GJB6: variants seen among roughly 807,000 people sequenced by gnomAD.
GJB6 encodes the protein gap junction protein beta 6, also known as gap junction beta-6 protein.
In GJB6, 5 loss-of-function variants were observed where a neutral mutation model predicts 5.4. The observed-to-expected ratio is 0.92, with a 90% CI of 0.48 to 1.93. The LOEUF (loss-of-function observed/expected upper bound fraction) is 1.93. Among genes scored for constraint, GJB6 ranks in the 30% most tolerant of loss-of-function variants. The probability of loss-of-function intolerance (pLI) is 0.01; values close to 1 mark genes in which losing one functional copy is unlikely to be tolerated. For synonymous variants in GJB6, 136 were observed against 129.6 expected (o/e 1.05, Z -0.34); for missense variants, 298 against 326.9 (o/e 0.91, Z 0.68).
rs2137362214 is a variant in GJB6, at chr13:20,232,234, G to T, written c.-460C>A. On this transcript the variant is annotated 5_prime_UTR_variant, in exon 1 of 5. Transcript: ENST00000647029. ...CGGCCCTGGCGCGGGCTCTGCGCGG[G>T]GCGGCGCCCTTCGCTCCGGCTGGGC... 1 of 152,130 alleles carries T rather than the reference G, an allele frequency of 6.6e-6. No individual in the cohort carries two copies. Among genetic ancestry groups the T allele is most frequent in the East Asian group, 1.9e-4 (1 of 5,176 alleles). 9.4% of individuals were successfully genotyped at this position (152,130 alleles called of 1,614,324 possible). A position where few individuals can be genotyped will look rare whatever the true frequency, so the allele number is the denominator to read the frequency against.
rs868439836 is a variant in GJB6, at chr13:20,222,910, A to G, written c.571T>C (p.Phe191Leu). The G allele has an allele frequency of 6.2e-7, 1 of 1,614,152 alleles. No homozygotes were observed. Among genetic ancestry groups the G allele is most frequent in the Non-Finnish European group, 8.5e-7 (1 of 1,180,010 alleles). ...FISRPTEKTV[F>L]TIFMISASVI... Reference sequence around the variant, plus strand: ...GACGCAGAAATCATAAAAATGGTAAACACGGTCTTCTCTGTTGGCCTAGAA... The same window carrying G: ...GACGCAGAAATCATAAAAATGGTAAGCACGGTCTTCTCTGTTGGCCTAGAA... The change falls in exon 5 of 5, where the codon TTT becomes CTT. Residue 191 changes from phenylalanine to leucine, a missense_variant. By Grantham distance (22) the Phe-to-Leu change is conservative. Transcript: ENST00000647029.
At chr13:20,229,201 T>G (rs1447597444) in intron 4 of GJB6, among the ~76,000 whole-genome samples, 2 of 135,926 alleles carry the variant, frequency 1.5e-5, no homozygotes, top group African/African-American at 5.5e-5. Context: ...CAGGGTGGAG[T>G]GCAATGGTGC....
intron 4 of GJB6, among the ~76,000 whole-genome samples, chr13:20,224,528 G>A (rs1869445294): frequency 6.6e-6 from 1 of 152,164 alleles, no homozygotes; most frequent in Non-Finnish European, 1.5e-5. Context: ...AGGGGCAGCC[G>A]AGGAGGGGAT....
At position 20,223,077 on chromosome 13, in the gene GJB6, G is replaced by A. The variant is rs1566538446; in HGVS notation, c.404C>T (p.Thr135Met). The stretch of plus-strand genomic sequence containing the variant: ...TCGGAAAAAGATGCTGCTGGTGTAC[G>A]TCCACCACAGCGACCCCTCTATCCG... Reference protein sequence around the residue: ...KVRIEGSLWWTYTSSIFFRII... With the variant: ...KVRIEGSLWWMYTSSIFFRII... The change falls in exon 5 of 5, where the codon ACG becomes ATG. Residue 135 changes from threonine to methionine, a missense_variant. Coordinates refer to ENST00000647029, the MANE Select transcript of GJB6 (RefSeq NM_001110219.3). The A allele has an allele frequency of 1.9e-6, 3 of 1,613,584 alleles. No homozygotes were observed. The highest frequency in any genetic ancestry group is 1.7e-6 in the Non-Finnish European group (2 of 1,179,624).
chr13:20,225,119 T>C (rs966278644), intron 4 of GJB6, among the ~76,000 whole-genome samples: 6 of 152,232 alleles, frequency 3.9e-5, no homozygotes, highest in Non-Finnish European at 8.8e-5. Context: ...CCTAGTTCCG[T>C]TGGCTTTCTG....
rs1593370162 is a variant in GJB6, at chr13:20,229,681, T to A, written c.-117A>T. 2 of 151,520 alleles carry A rather than the reference T, an allele frequency of 1.3e-5. No individual in the cohort carries two copies. The highest frequency in any genetic ancestry group is 3.9e-4 in the East Asian group (2 of 5,146). 9.4% of individuals were successfully genotyped at this position (151,520 alleles called of 1,614,324 possible). ...ACCTCCTTCTCCTACCCCACTGGAG[T>A]GCCTAGAAGCCAATGGTGCACAGTG... On this transcript the variant is annotated 5_prime_UTR_variant, in exon 4 of 5. Coordinates refer to ENST00000647029, the MANE Select transcript of GJB6 (RefSeq NM_001110219.3).
chr13:20,231,910 C>G (rs1428088806), intron 1 of GJB6, among the ~76,000 whole-genome samples: 1 of 152,132 alleles, frequency 6.6e-6, no homozygotes, highest in Non-Finnish European at 1.5e-5. Flanking sequence ...GGGTCCAGCG[C>G]GGGCGGCGCC....
intron 4 of GJB6, 115 bp from the exon 5 acceptor site, chr13:20,223,610 A>C: frequency 1.2e-6 from 1 of 814,606 alleles, no homozygotes; most frequent in Non-Finnish European, 2.1e-6. Flanking sequence ...GATACTTTAC[A>C]ACTTCAACTC....
intron 4 of GJB6, among the ~76,000 whole-genome samples, chr13:20,225,001 T>C (rs1869478661): frequency 6.6e-6 from 1 of 152,116 alleles, no homozygotes; most frequent in Admixed American, 6.5e-5. Context: ...AGGCAGCCTC[T>C]CCCCACCCAG....
At chr13:20,223,720 C>T (rs1869387440) in intron 4 of GJB6, among the ~76,000 whole-genome samples, 1 of 152,096 alleles carries the variant, frequency 6.6e-6, no homozygotes, top group Admixed American at 6.5e-5. Context: ...AAACCCAGCA[C>T]TTTGGGAGGC....
chr13:20,224,190 A>G (rs541824303), intron 4 of GJB6, among the ~76,000 whole-genome samples: 1 of 152,172 alleles, frequency 6.6e-6, no homozygotes, highest in South Asian at 2.1e-4. Flanking sequence ...TCCACAGTAG[A>G]TTTTATTCAT....
At position 20,228,701 on chromosome 13, in the gene GJB6, G is replaced by T. The variant is rs541309987; in HGVS notation, c.-16+879C>A. Among the ~76,000 whole-genome samples, 262 of 146,294 alleles carry T rather than the reference G, an allele frequency of 1.8e-3. 2 individuals are homozygous for T. The highest frequency in any genetic ancestry group is 3.0e-4 in the Non-Finnish European group (20 of 65,962). On this transcript the variant is annotated intron_variant, in intron 4 of 4. Coordinates refer to ENST00000647029, the MANE Select transcript of GJB6 (RefSeq NM_001110219.3). ...GGGTTTCACCGTGTTAGCCAGGATG[G>T]TCTCGATCTCCTGACCTCATGATCC...
chr13:20,227,395 T>C (rs1044691938), intron 4 of GJB6, among the ~76,000 whole-genome samples: 4 of 152,132 alleles, frequency 2.6e-5, no homozygotes, highest in African/African-American at 9.7e-5. Flanking sequence ...TACAAGTGTG[T>C]CTAACTCCCC....
In GJB6 at chr13:20,222,567, A is replaced by C. The variant is rs1869244814; in HGVS notation, c.*128T>G. The stretch of plus-strand genomic sequence containing the variant: ...CAAGTATCCTACAAAAAGTTAACTC[A>C]AGTGTCTATTTATTATGAAAGTCAT... On this transcript the variant is annotated 3_prime_UTR_variant, in exon 5 of 5. Coordinates refer to ENST00000647029, the MANE Select transcript of GJB6 (RefSeq NM_001110219.3). 1.3e-5 allele frequency: 10 copies of C among 770,422 alleles called. No homozygotes were observed. In the East Asian group the frequency reaches 2.5e-4, roughly 19 times the overall value. 47.7% of individuals were successfully genotyped at this position (770,422 alleles called of 1,614,324 possible).
intron 3 of GJB6, among the ~76,000 whole-genome samples, chr13:20,230,324 T>G (rs1869996679): frequency 1.3e-5 from 2 of 152,202 alleles, no homozygotes; most frequent in Admixed American, 1.3e-4. Flanking sequence ...AATGGAAAAC[T>G]CATGCAATTA....
Position 20,222,614 on chromosome 13 carries a change from G to T in GJB6, c.*81C>A. Reference sequence around the variant, plus strand: ...TCATTTACAAACTCTTCAGGCTACAGAAGGAACTTTCAGGTTGGTATTGCC... The same window carrying T: ...TCATTTACAAACTCTTCAGGCTACATAAGGAACTTTCAGGTTGGTATTGCC... On this transcript the variant is annotated 3_prime_UTR_variant, in exon 5 of 5. Transcript: ENST00000647029. The T allele has an allele frequency of 8.6e-7, 1 of 1,167,512 alleles. No individual in the cohort carries two copies. The highest frequency in any genetic ancestry group is 1.3e-6 in the Non-Finnish European group (1 of 774,652). The allele number at this position is 1,167,512 out of a possible 1,614,324, so 72.3% of individuals were successfully genotyped here.
intron 4 of GJB6, among the ~76,000 whole-genome samples, chr13:20,226,289 T>TAA (rs10707264): frequency 1.4e-5 from 2 of 142,456 alleles, no homozygotes; most frequent in African/African-American, 5.2e-5. Flanking sequence ...AGGTTTTTCT[T>TAA]AAAAAAAAAA....
chr13:20,228,265 C>A (rs78671031), intron 4 of GJB6, among the ~76,000 whole-genome samples: 2 of 152,340 alleles, frequency 1.3e-5, no homozygotes, highest in East Asian at 3.9e-4. Flanking sequence ...AATATTAACT[C>A]TTTCTTCGGA....
At position 20,223,514 on chromosome 13, in the gene GJB6, G is replaced by T. The variant is rs1432079901; in HGVS notation, c.-15-19C>A. 4 of 1,599,100 alleles carry T rather than the reference G, an allele frequency of 2.5e-6. No individual in the cohort carries two copies. The South Asian group carries it at 3.3e-5, about 13-fold the overall frequency. On this transcript the variant is annotated intron_variant, in intron 4 of 4. Transcript: ENST00000647029. ...TTTATCCCTAAACAGACAAAAGTGG[G>T]CAAAGGTTTATTAGTGGAAGAGGCC...
Sources: gnomAD v4.1 joint callset for allele counts (sites outside exome capture counted in the v4.1 genomes callset) on GRCh38, gnomAD v4.1.1 for gene constraint, MANE v1.5 for transcripts, NCBI Gene and HGNC (gene_info 2026-07-23, HGNC 2026-07-21) for gene names.